Variants in ZFHX3 observed in about 807,000 individuals in gnomAD.
ZFHX3 encodes zinc finger homeobox protein 3.
ZFHX3 carries 42 observed loss-of-function variants against 279.1 expected under a neutral mutation model. That is an observed-to-expected ratio of 0.15 (90% CI 0.12 to 0.19). The LOEUF is 0.19. ZFHX3 is among the 10% of genes least tolerant of loss of function. The pLI is 1.00. For synonymous variants in ZFHX3, 2,293 were observed against 1,957.8 expected (o/e 1.17, Z -4.52); for missense variants, 4,981 against 4,754.0 (o/e 1.05, Z -1.40).
intron 1 of ZFHX3, among the ~76,000 whole-genome samples, chr16:73,053,438 C>T (rs1449939528): frequency 6.6e-6 from 1 of 152,008 alleles, no homozygotes; most frequent in Non-Finnish European, 1.5e-5. Context: ...AGATTTGCAA[C>T]TGAATCAAAG....
At chr16:73,620,302 T>C (rs1194926687) in intron 2 of ZFHX3, among the ~76,000 whole-genome samples, 1 of 152,216 alleles carries the variant, frequency 6.6e-6, no homozygotes, top group Non-Finnish European at 1.5e-5. Flanking sequence ...TTGAGACTTA[T>C]AAAGTGAAGC....
intron 2 of ZFHX3, among the ~76,000 whole-genome samples, chr16:73,478,280 A>G (rs953464805): frequency 1.3e-5 from 2 of 150,274 alleles, no homozygotes; most frequent in African/African-American, 4.9e-5. Flanking sequence ...AAAAAAAAAA[A>G]AAAAAGTCAG....
intron 3 of ZFHX3, among the ~76,000 whole-genome samples, chr16:73,414,061 A>G (rs1356179638): frequency 1.3e-5 from 2 of 152,270 alleles, no homozygotes; most frequent in African/African-American, 4.8e-5. Flanking sequence ...AACCTTTCGC[A>G]GTTCACACTT....
At chr16:73,113,200 G>A (rs1305381277) in intron 7 of ZFHX3, among the ~76,000 whole-genome samples, 1 of 152,228 alleles carries the variant, frequency 6.6e-6, no homozygotes, top group African/African-American at 2.4e-5. Context: ...TGGAGAAAGA[G>A]AGTGGGAGAT....
At chr16:73,627,051 A>G (rs1260073418) in intron 2 of ZFHX3, among the ~76,000 whole-genome samples, 1 of 152,210 alleles carries the variant, frequency 6.6e-6, no homozygotes, top group African/African-American at 2.4e-5. Context: ...AAAATAATAT[A>G]TTGTTATGAT....
At chr16:73,483,490 G>A in intron 2 of ZFHX3, 2 of 421,586 alleles carry the variant, frequency 4.7e-6, no homozygotes, top group Non-Finnish European at 9.4e-6. Context: ...TGGCAGTTCC[G>A]TCAGCCTCGA....
At chr16:73,356,770 G>C (rs1027381532) in intron 3 of ZFHX3, among the ~76,000 whole-genome samples, 24 of 151,540 alleles carry the variant, frequency 1.6e-4, no homozygotes, top group Non-Finnish European at 2.4e-4. Context: ...TTTCACTCAC[G>C]TCCTTTCAAC....
At chr16:72,788,910 G>T (rs1189331642) in intron 9 of ZFHX3, 62 bp from the exon 10 acceptor site, 1 of 1,501,724 alleles carries the variant, frequency 6.7e-7, no homozygotes, top group Non-Finnish European at 8.9e-7. Context: ...TGAAGCTCAA[G>T]ACGTTTTACC....
intron 2 of ZFHX3, among the ~76,000 whole-genome samples, chr16:73,560,175 T>G (rs2143787442): frequency 6.6e-6 from 1 of 152,362 alleles, no homozygotes; most frequent in East Asian, 1.9e-4. Flanking sequence ...CATAAGATGC[T>G]GAAGATTTCC....
At chr16:72,914,644 AGAAAGGAACAAG>A (rs1232240983) in intron 3 of ZFHX3, among the ~76,000 whole-genome samples, 1 of 152,198 alleles carries the variant, frequency 6.6e-6, no homozygotes, top group African/African-American at 2.4e-5. Context: ...TAGAGAAACA[AGAAAGGAACAAG>A]GAATGTTTGG....
intron 5 of ZFHX3, among the ~76,000 whole-genome samples, chr16:72,818,607 G>T (rs1162109437): frequency 6.6e-6 from 1 of 152,180 alleles, no homozygotes; most frequent in Non-Finnish European, 1.5e-5. Context: ...AGGGGAAGGG[G>T]ATTTGTGTGA....
rs542926697 is a variant in ZFHX3 at position 73,747,594 on chromosome 16, C to T, written c.-1607-67354G>A. ...AGTCCTATGGATTTAACAACAACAA[C>T]AACAGAAAATCTCTATGTTGATTAG... On this transcript the variant is annotated intron_variant, in intron 1 of 17. Transcript: ENST00000641206. Among the ~76,000 whole-genome samples, 6 of 152,224 alleles carry T rather than the reference C, an allele frequency of 3.9e-5. No individual in the cohort carries two copies. The South Asian group carries it at 1.3e-3, about 32-fold the overall frequency.
At chr16:72,850,938 G>A (rs1482623347) in intron 4 of ZFHX3, among the ~76,000 whole-genome samples, 1 of 152,080 alleles carries the variant, frequency 6.6e-6, no homozygotes, top group Non-Finnish European at 1.5e-5. Context: ...AGATGGGGTT[G>A]GGGGGAGAAA....
chr16:73,121,014 A>G (rs1025568995), intron 7 of ZFHX3, among the ~76,000 whole-genome samples: 26 of 152,056 alleles, frequency 1.7e-4, no homozygotes, highest in South Asian at 2.1e-4. Flanking sequence ...CCACTCTCCA[A>G]TATGGCAGCT....
chr16:73,540,926 G>C (rs1422121345), intron 2 of ZFHX3, among the ~76,000 whole-genome samples: 1 of 152,104 alleles, frequency 6.6e-6, no homozygotes, highest in Non-Finnish European at 1.5e-5. Flanking sequence ...TAAATGTAGG[G>C]ATTTTGGACC....
At chr16:73,454,497 C>T (rs755726771) in intron 3 of ZFHX3, among the ~76,000 whole-genome samples, 4 of 149,500 alleles carry the variant, frequency 2.7e-5, no homozygotes, top group Non-Finnish European at 5.9e-5. Context: ...CCAAATTCAG[C>T]AATTTTCTCA....
chr16:73,635,445 T>C (rs1358266830), intron 2 of ZFHX3, among the ~76,000 whole-genome samples: 1 of 152,186 alleles, frequency 6.6e-6, no homozygotes, highest in African/African-American at 2.4e-5. Flanking sequence ...CACACACGTA[T>C]GCACCCACAT....
intron 1 of ZFHX3, among the ~76,000 whole-genome samples, chr16:72,964,341 G>A (rs1415919729): frequency 1.3e-5 from 2 of 152,158 alleles, no homozygotes; most frequent in Non-Finnish European, 2.9e-5. Context: ...AGCTCCATAT[G>A]TTGTTATAAA....
At chr16:73,212,531 T>C (rs1214744616) in intron 5 of ZFHX3, among the ~76,000 whole-genome samples, 2 of 152,236 alleles carry the variant, frequency 1.3e-5, no homozygotes, top group Non-Finnish European at 2.9e-5. Context: ...TAGATTGCTA[T>C]ACAGAGCAGA....
Sources: allele counts gnomAD v4.1 joint callset (sites outside exome capture counted in the v4.1 genomes callset), GRCh38; gene constraint gnomAD v4.1.1; transcripts MANE v1.5; gene names NCBI Gene and HGNC (gene_info 2026-07-23, HGNC 2026-07-21).